The following RYR3 variants were observed in gnomAD, a reference collection of about 807,000 sequenced individuals.
RYR3 encodes brain ryanodine receptor-calcium release channel.
A neutral mutation model predicts 584.3 loss-of-function variants in RYR3; 207 were observed. That is an observed-to-expected ratio of 0.35 (90% CI 0.32 to 0.40). The LOEUF is 0.40. Among genes scored for constraint, RYR3 ranks in the 10% least tolerant of loss-of-function variants. The probability of loss-of-function intolerance (pLI) is 1.00; values close to 1 mark genes in which losing one functional copy is unlikely to be tolerated. For missense variants in RYR3, 5,616 were observed against 6,089.2 expected, an observed-to-expected ratio of 0.92 and a Z score of 2.59; for synonymous variants, 2,416 against 2,248.5, an observed-to-expected ratio of 1.07 and a Z score of -2.11.
chr15:33,826,790 A>T, intron 84 of RYR3, 38 bp downstream of exon 84: 2 of 1,282,096 alleles, frequency 1.6e-6, no homozygotes, highest in Non-Finnish European at 2.1e-6. Flanking sequence ...GAAACACAGC[A>T]CTCGGGCAAA....
At chr15:33,556,761 C>A (rs1464161480) in intron 10 of RYR3, among the ~76,000 whole-genome samples, 1 of 152,034 alleles carries the variant, frequency 6.6e-6, no homozygotes, top group East Asian at 1.9e-4. Context: ...CAATCCCTTC[C>A]TCATTGCCCT....
chr15:33,567,219 T>G (rs1369311), intron 12 of RYR3, among the ~76,000 whole-genome samples: 151,948 of 152,322 alleles, frequency 1, 75,790 homozygotes, highest in Middle Eastern at 1. Flanking sequence ...AAGTAACTTC[T>G]CACTGGAAGC....
At chr15:33,456,559 G>A (rs1052852437) in intron 1 of RYR3, among the ~76,000 whole-genome samples, 1 of 152,080 alleles carries the variant, frequency 6.6e-6, no homozygotes, top group Non-Finnish European at 1.5e-5. Flanking sequence ...GGAATCAGTG[G>A]CTCCCGAGGT....
intron 85 of RYR3, among the ~76,000 whole-genome samples, chr15:33,829,207 G>T (rs1008521667): frequency 3.9e-5 from 6 of 152,004 alleles, no homozygotes; most frequent in African/African-American, 1.4e-4. Flanking sequence ...TACTGTTGTT[G>T]ACTATGCACC....
At position 33,620,215 on chromosome 15, in the gene RYR3, C is replaced by T. The variant is rs796700734; in HGVS notation, c.2358-3592C>T. 6.6e-5 allele frequency among the ~76,000 whole-genome samples: 10 copies of T among 152,280 alleles called. 1 individual carries two copies. The highest frequency in any genetic ancestry group is 2.4e-4 in the African/African-American group (10 of 41,568). ...GCACCTCTTTTCCATGCAGCCCTTTCTCACACTGTCAGCTCTATCACCAGG... is the reference window on the plus strand; with the variant it reads ...GCACCTCTTTTCCATGCAGCCCTTTTTCACACTGTCAGCTCTATCACCAGG... On this transcript the variant is annotated intron_variant, in intron 19 of 103. Transcript: ENST00000634891.
In RYR3 at chr15:33,865,407, T is replaced by C. The variant is rs1890170015; in HGVS notation, c.*181T>C. On this transcript the variant is annotated 3_prime_UTR_variant, in exon 104 of 104. Coordinates refer to ENST00000634891, the MANE Select transcript of RYR3 (RefSeq NM_001036.6). ...TTTGGCTTTTTGTGCCTAATGGACA[T>C]ACACTGTGGGAGAGAACCTGTCAAA... The C allele has an allele frequency of 1.7e-6, 1 of 573,680 alleles. No individual in the cohort carries two copies. The highest frequency in any genetic ancestry group is 3.1e-6 in the Non-Finnish European group (1 of 323,106). 35.5% of individuals were successfully genotyped at this position (573,680 alleles called of 1,614,324 possible).
intron 1 of RYR3, among the ~76,000 whole-genome samples, chr15:33,385,710 C>CT (rs10682215): frequency 0.071 from 9,270 of 131,184 alleles, 554 homozygotes; most frequent in Middle Eastern, 0.13. Context: ...TTTTTCTTTT[C>CT]TTTTTTTTTT....
At chr15:33,466,268 A>G (rs1194296728) in intron 1 of RYR3, among the ~76,000 whole-genome samples, 3 of 152,216 alleles carry the variant, frequency 2.0e-5, no homozygotes, top group African/African-American at 7.2e-5. Flanking sequence ...AATGAGGAGA[A>G]GCAACCAAGG....
intron 2 of RYR3, among the ~76,000 whole-genome samples, chr15:33,488,335 C>T (rs940740388): frequency 6.6e-6 from 1 of 152,108 alleles, no homozygotes; most frequent in African/African-American, 2.4e-5. Context: ...GCACCTCTGT[C>T]ACGCTTAGTA....
intron 63 of RYR3, among the ~76,000 whole-genome samples, chr15:33,772,415 C>T (rs7165052): frequency 0.37 from 56,735 of 152,012 alleles, 10,994 homozygotes; most frequent in South Asian, 0.49. Context: ...TCCCATCTGC[C>T]TGTCTAGCTC....
chr15:33,731,439 G>A lies in RYR3; in HGVS notation c.7204-35G>A, dbSNP rs190933416. 7 of 1,492,198 alleles carry A rather than the reference G, an allele frequency of 4.7e-6. No individual in the cohort carries two copies. The East Asian group carries it at 1.4e-4, about 30-fold the overall frequency. The allele number at this position is 1,492,198 out of a possible 1,614,324, so 92.4% of individuals were successfully genotyped here. Reference sequence around the variant, plus strand: ...GAGCCAGCTTTGCTCTGTTCCTCAGGGCAATTAACCTGTGTCCCAATCTTC... The same window carrying A: ...GAGCCAGCTTTGCTCTGTTCCTCAGAGCAATTAACCTGTGTCCCAATCTTC... On this transcript the variant is annotated intron_variant, in intron 47 of 103. Transcript: ENST00000634891.
rs771491012 is a variant in RYR3 at position 33,555,901 on chromosome 15, T to C, written c.972+5585T>C. On this transcript the variant is annotated intron_variant, in intron 10 of 103. Transcript: ENST00000634891. Reference sequence around the variant, plus strand: ...ACAAAGCTTGAGGCCAGCTAGACTCTTATCAATGTCCTGTAGTGTGTGGTT... The same window carrying C: ...ACAAAGCTTGAGGCCAGCTAGACTCCTATCAATGTCCTGTAGTGTGTGGTT... 8.8e-4 allele frequency among the ~76,000 whole-genome samples: 134 copies of C among 152,210 alleles called. 1 individual carries two copies. Among genetic ancestry groups the C allele is most frequent in the Admixed American group, 3.3e-4 (5 of 15,282 alleles).
chr15:33,586,494 A>C (rs2058853108), intron 16 of RYR3, among the ~76,000 whole-genome samples: 1 of 152,228 alleles, frequency 6.6e-6, no homozygotes, highest in Non-Finnish European at 1.5e-5. Context: ...AAAGGTATGA[A>C]GAAATCAGAT....
chr15:33,435,815 C>T (rs2045663634), intron 1 of RYR3, among the ~76,000 whole-genome samples: 1 of 152,162 alleles, frequency 6.6e-6, no homozygotes, highest in Non-Finnish European at 1.5e-5. Context: ...GCAGCAGCAG[C>T]AAGATTTATT....
intron 86 of RYR3, among the ~76,000 whole-genome samples, chr15:33,833,158 A>G (rs2077809444): frequency 6.6e-6 from 1 of 152,210 alleles, no homozygotes; most frequent in Non-Finnish European, 1.5e-5. Flanking sequence ...AATGTCGGCA[A>G]TTATATCCAT....
intron 38 of RYR3, among the ~76,000 whole-genome samples, chr15:33,683,343 G>C (rs573767951): frequency 6.6e-6 from 1 of 152,166 alleles, no homozygotes; most frequent in South Asian, 2.1e-4. Context: ...TCACTAAAGG[G>C]TAGCATTTCT....
At chr15:33,649,442 A>G (rs773191143) in intron 31 of RYR3, among the ~76,000 whole-genome samples, 21 of 152,370 alleles carry the variant, frequency 1.4e-4, no homozygotes, top group Middle Eastern at 3.4e-3. Flanking sequence ...CATCATGTGT[A>G]TAAATCGTGA....
intron 19 of RYR3, among the ~76,000 whole-genome samples, chr15:33,621,055 T>C (rs2060700823): frequency 6.6e-6 from 1 of 152,246 alleles, no homozygotes; most frequent in Non-Finnish European, 1.5e-5. Flanking sequence ...CTCCTTTTAA[T>C]AACTGAATAT....
intron 1 of RYR3, among the ~76,000 whole-genome samples, chr15:33,420,629 G>C (rs1596059674): frequency 6.6e-6 from 1 of 152,096 alleles, no homozygotes; most frequent in Non-Finnish European, 1.5e-5. Context: ...TGGAGCACTA[G>C]AATCAGATCT....
Sources: gnomAD v4.1 joint callset for allele counts (sites outside exome capture counted in the v4.1 genomes callset) on GRCh38, gnomAD v4.1.1 for gene constraint, MANE v1.5 for transcripts, NCBI Gene and HGNC (gene_info 2026-07-23, HGNC 2026-07-21) for gene names.